The following KCNH1 variants were observed in gnomAD, a reference collection of about 807,000 sequenced individuals.
KCNH1 encodes the protein potassium voltage-gated channel subfamily H member 1, also known as voltage-gated delayed rectifier potassium channel KCNH1.
A neutral mutation model predicts 69.2 loss-of-function variants in KCNH1; 27 were observed. The observed-to-expected ratio is 0.39, with a 90% CI of 0.29 to 0.54. The LOEUF is 0.54. KCNH1 is among the 20% of genes least tolerant of loss of function. The probability of loss-of-function intolerance (pLI) is 0.68; values close to 1 mark genes in which losing one functional copy is unlikely to be tolerated. For missense variants in KCNH1, 798 were observed against 1,261.6 expected, an observed-to-expected ratio of 0.63 and a Z score of 5.57; for synonymous variants, 456 against 487.7, an observed-to-expected ratio of 0.93 and a Z score of 0.86.
chr1:210,736,338 C>T (rs1057370231), intron 10 of KCNH1, among the ~76,000 whole-genome samples: 2 of 152,054 alleles, frequency 1.3e-5, no homozygotes, highest in African/African-American at 4.8e-5. Flanking sequence ...CACCTGAGGT[C>T]GGGAGTTCGA....
intron 9 of KCNH1, among the ~76,000 whole-genome samples, chr1:210,786,149 A>G (rs1684097349): frequency 6.6e-6 from 1 of 151,632 alleles, no homozygotes; most frequent in South Asian, 2.1e-4. Context: ...TCACCCCCAT[A>G]CTCCACTAAT....
intron 3 of KCNH1, among the ~76,000 whole-genome samples, chr1:211,100,569 T>C (rs1691239364): frequency 6.6e-6 from 1 of 152,222 alleles, no homozygotes; most frequent in Admixed American, 6.5e-5. Context: ...CAGGCTGGTC[T>C]CAAACTCCTG....
intron 10 of KCNH1, among the ~76,000 whole-genome samples, chr1:210,755,786 T>C (rs1442919834): frequency 4.6e-5 from 7 of 152,190 alleles, no homozygotes; most frequent in Admixed American, 4.6e-4. Context: ...GATCCCCACT[T>C]TCCTAGGGCA....
chr1:211,005,480 G>C (rs1571571913), intron 6 of KCNH1, among the ~76,000 whole-genome samples: 2 of 152,108 alleles, frequency 1.3e-5, no homozygotes, highest in African/African-American at 4.8e-5. Context: ...CTAATTAAGT[G>C]AAAGACTGGA....
intron 7 of KCNH1, among the ~76,000 whole-genome samples, chr1:210,807,897 A>G (rs542736500): frequency 1.3e-5 from 2 of 152,226 alleles, no homozygotes; most frequent in Non-Finnish European, 2.9e-5. Flanking sequence ...GGAAGGACTG[A>G]GGACACAAAT....
chr1:211,019,220 T>C lies in KCNH1; in HGVS notation c.595A>G (p.Lys199Glu), dbSNP rs779813730. 1 of 1,611,394 alleles carries C rather than the reference T, an allele frequency of 6.2e-7. No homozygotes were observed. The highest frequency in any genetic ancestry group is 8.5e-7 in the Non-Finnish European group (1 of 1,179,658). Residue 199 changes from lysine (K) to glutamate (E), a missense_variant, in exon 6 of 11, where the codon AAG (lysine) becomes GAG (glutamate). This residue lies in a region of KCNH1 where 266 missense variants were observed against 457.2 expected (regional missense o/e 0.58). Transcript: ENST00000271751. Reference sequence around the variant, plus strand: ...GGGGGAGTCTTTGGTGCCTCTTGCTTGTACTGGGGAAGGATGTCTGAGCCC... The same window carrying C: ...GGGGGAGTCTTTGGTGCCTCTTGCTCGTACTGGGGAAGGATGTCTGAGCCC... ...QLGSDILPQY[K>E]QEAPKTPPHI... is the part of the protein sequence containing the mutation.
chr1:210,944,773 G>A (rs1378521782), intron 6 of KCNH1, among the ~76,000 whole-genome samples: 1 of 152,096 alleles, frequency 6.6e-6, no homozygotes, highest in South Asian at 2.1e-4. Flanking sequence ...AATATAAAAT[G>A]TATCATTTCA....
At chr1:210,860,178 T>A (rs778888368) in intron 7 of KCNH1, 50 of 1,199,488 alleles carry the variant, frequency 4.2e-5, no homozygotes, top group Non-Finnish European at 5.1e-5. Flanking sequence ...TGGTATCAAC[T>A]GTTACATAAT....
At chr1:210,854,672 G>T (rs1220837675) in intron 7 of KCNH1, among the ~76,000 whole-genome samples, 4 of 152,212 alleles carry the variant, frequency 2.6e-5, no homozygotes, top group Non-Finnish European at 5.9e-5. Flanking sequence ...TTGTGGCCAT[G>T]GTTACAGGGA....
chr1:211,064,026 A>AT, intron 5 of KCNH1, among the ~76,000 whole-genome samples: 1 of 152,326 alleles, frequency 6.6e-6, no homozygotes, highest in Non-Finnish European at 1.5e-5. Flanking sequence ...AAATTACTCT[A>AT]TACTACTCTG....
intron 10 of KCNH1, among the ~76,000 whole-genome samples, chr1:210,736,761 G>A (rs1682890117): frequency 6.6e-6 from 1 of 152,186 alleles, no homozygotes; most frequent in East Asian, 1.9e-4. Context: ...CAGCTGTGGG[G>A]AGCCGGAGGA....
At chr1:210,976,877 C>T (rs1037414093) in intron 6 of KCNH1, among the ~76,000 whole-genome samples, 27 of 147,652 alleles carry the variant, frequency 1.8e-4, no homozygotes, top group South Asian at 4.4e-4. Flanking sequence ...ACTAGTTCAA[C>T]CATTGTGGAA....
intron 10 of KCNH1, among the ~76,000 whole-genome samples, chr1:210,694,921 A>T (rs1461205394): frequency 1.3e-5 from 2 of 152,198 alleles, no homozygotes; most frequent in African/African-American, 2.4e-5. Flanking sequence ...TGATGATCCA[A>T]CAGCTTTCCC....
intron 5 of KCNH1, chr1:211,063,262 C>T (rs1240495196): frequency 1.3e-5 from 2 of 152,054 alleles, no homozygotes; most frequent in African/African-American, 4.8e-5. Context: ...TAATTAAACT[C>T]ATGAAGATAG....
At chr1:210,773,994 G>A (rs759619843) in intron 10 of KCNH1, among the ~76,000 whole-genome samples, 3 of 152,086 alleles carry the variant, frequency 2.0e-5, no homozygotes, top group Non-Finnish European at 4.4e-5. Context: ...GCAGAGACAC[G>A]GCACTCTGAA....
At chr1:211,109,247 G>C (rs1475335381) in intron 1 of KCNH1, among the ~76,000 whole-genome samples, 2 of 152,278 alleles carry the variant, frequency 1.3e-5, no homozygotes, top group African/African-American at 4.8e-5. Context: ...TGGCAGCATG[G>C]AACACAGTGC....
intron 7 of KCNH1, among the ~76,000 whole-genome samples, chr1:210,845,875 G>A (rs1447763005): frequency 9.2e-5 from 14 of 152,350 alleles, no homozygotes; most frequent in African/African-American, 3.1e-4. Context: ...AGCAACTTCA[G>A]CAAAGTCTCA....
rs60620622 is a variant in KCNH1 at position 211,060,400 on chromosome 1, C to CAAAAAAAAAAAAAAAAAAAAAA, written c.558+22358_558+22379dup. On this transcript the variant is annotated intron_variant, in intron 5 of 10. Transcript: ENST00000271751. The stretch of plus-strand genomic sequence containing the variant: ...TGGGCGACAGAGCGAGACTCCGTCT[C>CAAAAAAAAAAAAAAAAAAAAAA]AAAAAAAAAAAAAAAAAAAAAAAAA... 6.8e-5 allele frequency among the ~76,000 whole-genome samples: 3 copies of CAAAAAAAAAAAAAAAAAAAAAA among 44,328 alleles called. 1 individual carries two copies. Among genetic ancestry groups the CAAAAAAAAAAAAAAAAAAAAAA allele is most frequent in the South Asian group, 1.2e-3 (1 of 866 alleles). The allele number at this position is 44,328 out of a possible 152,430, so 29.1% of individuals were successfully genotyped here.
chr1:210,729,690 G>T (rs988408806), intron 10 of KCNH1, among the ~76,000 whole-genome samples: 1 of 152,200 alleles, frequency 6.6e-6, no homozygotes. Flanking sequence ...AATCTACCTT[G>T]TTCAATAACA....
Sources: allele counts gnomAD v4.1 joint callset (sites outside exome capture counted in the v4.1 genomes callset), GRCh38; gene constraint gnomAD v4.1.1; regional missense constraint gnomAD v4.1.1; transcripts MANE v1.5; gene names NCBI Gene and HGNC (gene_info 2026-07-23, HGNC 2026-07-21).